The following SLC4A5 variants were observed in gnomAD, a reference collection of about 807,000 sequenced individuals.
SLC4A5 encodes solute carrier family 4 member 5, also known as electrogenic sodium bicarbonate cotransporter 4.
SLC4A5 carries 96 observed loss-of-function variants against 120.4 expected under a neutral mutation model. The observed-to-expected ratio is 0.80, with a 90% CI of 0.68 to 0.94. The LOEUF is 0.94. Ranked by LOEUF, SLC4A5 falls within the 40% of genes least tolerant of loss-of-function variation. The pLI is 0.00. For synonymous variants in SLC4A5, 550 were observed against 571.1 expected (o/e 0.96, Z 0.53); for missense variants, 1,259 against 1,459.5 (o/e 0.86, Z 2.24).
intron 6 of SLC4A5, among the ~76,000 whole-genome samples, chr2:74,312,637 T>C (rs1017119034): frequency 1.3e-5 from 2 of 152,176 alleles, no homozygotes; most frequent in Non-Finnish European, 2.9e-5. Flanking sequence ...CCATTCATAT[T>C]TGAAGTAATT....
chr2:74,340,515 T>G (rs1673599213), intron 2 of SLC4A5, among the ~76,000 whole-genome samples: 1 of 150,568 alleles, frequency 6.6e-6, no homozygotes, highest in Admixed American at 6.6e-5. Context: ...AGATGATGGG[T>G]GGGGGCAGAA....
At chr2:74,277,736 T>C (rs1055762371) in intron 8 of SLC4A5, among the ~76,000 whole-genome samples, 5 of 152,160 alleles carry the variant, frequency 3.3e-5, no homozygotes, top group African/African-American at 1.2e-4. Flanking sequence ...TATGATATTT[T>C]TGAGACAGTA....
chr2:74,271,002 G>A (rs1671458289), intron 8 of SLC4A5, among the ~76,000 whole-genome samples: 2 of 152,148 alleles, frequency 1.3e-5, no homozygotes, highest in African/African-American at 4.8e-5. Flanking sequence ...TATAACTGAA[G>A]TCCATTTACA....
At chr2:74,253,449 C>G (rs1573029431) in intron 14 of SLC4A5, among the ~76,000 whole-genome samples, 1 of 152,136 alleles carries the variant, frequency 6.6e-6, no homozygotes, top group East Asian at 1.9e-4. Flanking sequence ...TTTGTAGAGC[C>G]CAGTCCAAGG....
intron 8 of SLC4A5, among the ~76,000 whole-genome samples, chr2:74,282,557 T>A (rs946948970): frequency 6.6e-6 from 1 of 152,182 alleles, no homozygotes; most frequent in Non-Finnish European, 1.5e-5. Flanking sequence ...CCCCTTTATG[T>A]TTTAGGAGAA....
At chr2:74,283,000 C>T (rs1671862561) in intron 8 of SLC4A5, among the ~76,000 whole-genome samples, 1 of 152,168 alleles carries the variant, frequency 6.6e-6, no homozygotes, top group African/African-American at 2.4e-5. Flanking sequence ...TTTGAAATGT[C>T]CCCCTTCCCT....
At chr2:74,268,247 G>A (rs1671366442) in intron 8 of SLC4A5, among the ~76,000 whole-genome samples, 1 of 152,092 alleles carries the variant, frequency 6.6e-6, no homozygotes, top group African/African-American at 2.4e-5. Flanking sequence ...AAAGAAGAAA[G>A]CAAAGTCATT....
intron 25 of SLC4A5, among the ~76,000 whole-genome samples, chr2:74,230,799 T>C (rs1670051097): frequency 2.0e-5 from 3 of 151,660 alleles, no homozygotes; most frequent in Admixed American, 2.0e-4. Flanking sequence ...GCCTTTCTTT[T>C]TCTTTTCTTT....
At chr2:74,282,343 G>T (rs1181762520) in intron 8 of SLC4A5, among the ~76,000 whole-genome samples, 2 of 152,232 alleles carry the variant, frequency 1.3e-5, no homozygotes, top group Non-Finnish European at 1.5e-5. Context: ...CCGCAAGCTG[G>T]CCTTCAAGCT....
intron 4 of SLC4A5, among the ~76,000 whole-genome samples, chr2:74,332,662 G>A (rs985064131): frequency 3.9e-5 from 6 of 152,092 alleles, no homozygotes; most frequent in Non-Finnish European, 8.8e-5. Context: ...TTCAGTGGGA[G>A]AGAGAAAAGC....
chr2:74,294,103 T>C (rs563852677), intron 7 of SLC4A5, among the ~76,000 whole-genome samples: 1 of 152,234 alleles, frequency 6.6e-6, no homozygotes, highest in South Asian at 2.1e-4. Context: ...CCAAAAGTGC[T>C]TGTGGATGGA....
intron 8 of SLC4A5, among the ~76,000 whole-genome samples, chr2:74,270,663 A>C (rs1427027567): frequency 1.3e-5 from 2 of 152,022 alleles, no homozygotes; most frequent in Non-Finnish European, 2.9e-5. Context: ...ACAGAGCGAG[A>C]CTCCGTCTCA....
chr2:74,242,058 G>T lies in SLC4A5; in HGVS notation c.2060-6C>A, dbSNP rs772968015. 6 of 1,603,928 alleles carry T rather than the reference G, an allele frequency of 3.7e-6. No homozygotes were observed. In the South Asian group the frequency reaches 5.5e-5, roughly 15 times the overall value. Reference sequence around the variant, plus strand: ...ATTGAACACGGTTGTATTCACTGTGGATGAGCACATGACACGGGGCAGGGT... The same window carrying T: ...ATTGAACACGGTTGTATTCACTGTGTATGAGCACATGACACGGGGCAGGGT... On this transcript the variant is annotated splice_polypyrimidine_tract_variant and splice_region_variant and intron_variant, in intron 19 of 30. Transcript: ENST00000394019.
intron 25 of SLC4A5, among the ~76,000 whole-genome samples, chr2:74,229,119 T>TTTTTTTTTTTTTGG (rs1694967113): frequency 6.6e-6 from 1 of 150,856 alleles, no homozygotes; most frequent in African/African-American, 2.4e-5. Context: ...TTTTTTTTCT[T>TTTTTTTTTTTTTGG]GAGACAGAGT....
chr2:74,254,198 G>A (rs566215795), intron 14 of SLC4A5, among the ~76,000 whole-genome samples: 1 of 151,772 alleles, frequency 6.6e-6, no homozygotes, highest in Admixed American at 6.6e-5. Context: ...CACCTCTCCA[G>A]TATTACCTCC....
chr2:74,293,717 A>T (rs1265106850), intron 7 of SLC4A5, among the ~76,000 whole-genome samples: 1 of 152,122 alleles, frequency 6.6e-6, no homozygotes, highest in Admixed American at 6.5e-5. Context: ...CTTGTAATAT[A>T]AACAATCTCT....
At chr2:74,307,721 T>C (rs529201008) in intron 6 of SLC4A5, 1 of 764,878 alleles carries the variant, frequency 1.3e-6, no homozygotes, top group Non-Finnish European at 2.2e-6. Context: ...GGCTCCTCAC[T>C]GTCCAGGTAG....
In SLC4A5 at chr2:74,324,634, A is replaced by G. The variant is rs539519654; in HGVS notation, c.-3+3486T>C. Among the ~76,000 whole-genome samples, 87 of 152,294 alleles carry G rather than the reference A, an allele frequency of 5.7e-4. 1 individual carries two copies. Among genetic ancestry groups the G allele is most frequent in the Admixed American group, 5.4e-3 (82 of 15,294 alleles). ...TCAGTTGGTGATTTTTAAAAAGCTGATATCTTCCTACTCCAGTATGGTGTG... is the reference window on the plus strand; with the variant it reads ...TCAGTTGGTGATTTTTAAAAAGCTGGTATCTTCCTACTCCAGTATGGTGTG... On this transcript the variant is annotated intron_variant, in intron 5 of 30. Coordinates refer to ENST00000394019, the Ensembl canonical transcript of SLC4A5.
rs1558887670 is a variant in SLC4A5 at position 74,270,482 on chromosome 2, G to A, written c.402-5218C>T. On this transcript the variant is annotated intron_variant, in intron 8 of 30. Coordinates refer to ENST00000394019, the Ensembl canonical transcript of SLC4A5. The stretch of plus-strand genomic sequence containing the variant: ...AGGTCAGGAGATCGAGACCATCCTG[G>A]CTAACATGGTGAAACCCTGTCTCTA... 3.9e-5 allele frequency among the ~76,000 whole-genome samples: 6 copies of A among 152,164 alleles called. No individual in the cohort carries two copies. The South Asian group carries it at 1.2e-3, about 32-fold the overall frequency.
Sources: allele counts gnomAD v4.1 joint callset (sites outside exome capture counted in the v4.1 genomes callset), GRCh38; gene constraint gnomAD v4.1.1; transcripts MANE v1.5; gene names NCBI Gene and HGNC (gene_info 2026-07-23, HGNC 2026-07-21).